LRSAM1: variants seen among roughly 807,000 people sequenced by gnomAD.
The protein encoded by LRSAM1 is E3 ubiquitin-protein ligase LRSAM1.
LRSAM1 carries 96 observed loss-of-function variants against 118.1 expected under a neutral mutation model. The observed-to-expected ratio is 0.81, with a 90% confidence interval of 0.69 to 0.96. The LOEUF is 0.96. LRSAM1 is among the 40% of genes least tolerant of loss of function. LRSAM1 has a pLI of 0.00. For missense variants in LRSAM1, 804 were observed against 915.5 expected (o/e 0.88, Z 1.57); for synonymous variants, 322 against 364.2 (o/e 0.88, Z 1.32).
chr9:127,453,057 C>A (rs1197443872), intron 2 of LRSAM1, among the ~76,000 whole-genome samples: 2 of 152,118 alleles, frequency 1.3e-5, no homozygotes, highest in African/African-American at 4.8e-5. Flanking sequence ...ACTTAATAAG[C>A]ATCTACTTCT....
chr9:127,472,640 CA>C (rs1207156736), intron 10 of LRSAM1, among the ~76,000 whole-genome samples: 5 of 151,584 alleles, frequency 3.3e-5, no homozygotes, highest in Non-Finnish European at 7.4e-5. Context: ...GACTCCATCT[CA>C]AAAAATAAAT....
intron 16 of LRSAM1, among the ~76,000 whole-genome samples, chr9:127,483,915 A>G (rs1269599247): frequency 6.8e-6 from 1 of 146,062 alleles, no homozygotes; most frequent in Admixed American, 6.6e-5. Context: ...GCCTGCCTCA[A>G]CCTCCTGAAG....
chr9:127,500,494 G>A lies in LRSAM1; in HGVS notation c.1913-516G>A, dbSNP rs376439307. Among the ~76,000 whole-genome samples, 9 of 152,246 alleles carry A rather than the reference G, an allele frequency of 5.9e-5. No individual in the cohort carries two copies. The East Asian group carries it at 1.2e-3, about 20-fold the overall frequency. ...GCTGGGGGCAGGGGAACAGCCTTGC[G>A]GGGGGCCTCTCATTCTGCTCCCCTG... On this transcript the variant is annotated intron_variant, in intron 24 of 25. Coordinates refer to ENST00000300417, the MANE Select transcript of LRSAM1 (RefSeq NM_001005373.4).
intron 2 of LRSAM1, among the ~76,000 whole-genome samples, chr9:127,452,589 T>A (rs139043079): frequency 6.6e-5 from 10 of 152,274 alleles, no homozygotes; most frequent in African/African-American, 2.2e-4. Flanking sequence ...TGGCTAACAT[T>A]TATTGAGCGC....
At position 127,475,319 on chromosome 9, in the gene LRSAM1, T is replaced by G. The variant is rs118173574; in HGVS notation, c.750+1388T>G. 3.6e-3 allele frequency among the ~76,000 whole-genome samples: 553 copies of G among 152,192 alleles called. 13 individuals carry two copies. The East Asian group carries it at 0.046, about 13-fold the overall frequency. ...CAGCTTGGCCAACGTAGTAAAACCC[T>G]GTCTCTACTGAAAATGCAAAACTTA... On this transcript the variant is annotated intron_variant, in intron 11 of 25. Transcript: ENST00000300417.
At chr9:127,467,024 C>T (rs1834976833) in intron 9 of LRSAM1, among the ~76,000 whole-genome samples, 1 of 152,044 alleles carries the variant, frequency 6.6e-6, no homozygotes, top group Admixed American at 6.6e-5. Flanking sequence ...GTGCTTGCTG[C>T]TGTTGTAACC....
Position 127,473,902 on chromosome 9 carries a change from A to G in LRSAM1, c.721A>G (p.Arg241Gly). 6.2e-7 allele frequency: 1 copy of G among 1,614,254 alleles called. No homozygotes were observed. The change falls in exon 11 of 26, where the codon AGA (arginine) becomes GGA (glycine). Residue 241 changes from arginine (R) to glycine (G), a missense_variant. Arg to Gly is a moderately radical substitution (Grantham distance 125). Transcript: ENST00000300417. ...GGACAGCCCTGATGGGCCCACGGAC[A>G]GATTCTCAAGGGAGGAGTTAGAGTG... Reference protein sequence around the residue: ...SRDSPDGPTDRFSREELEWQN... With the variant: ...SRDSPDGPTDGFSREELEWQN...
rs939906256 is a variant in LRSAM1, at chr9:127,503,339, G to A, written c.*440G>A. 8 of 271,142 alleles carry A rather than the reference G, an allele frequency of 3.0e-5. No individual in the cohort carries two copies. Among genetic ancestry groups the A allele is most frequent in the South Asian group, 1.2e-4 (3 of 25,896 alleles). 16.8% of individuals were successfully genotyped at this position (271,142 alleles called of 1,614,324 possible). ...TGAGGGGAGGCCTTCCTGGGAAGGCGTGTGGTGCAGGCCTGTGCTCACAGT... is the reference window on the plus strand; with the variant it reads ...TGAGGGGAGGCCTTCCTGGGAAGGCATGTGGTGCAGGCCTGTGCTCACAGT... On this transcript the variant is annotated 3_prime_UTR_variant, in exon 26 of 26. Transcript: ENST00000300417.
intron 23 of LRSAM1, among the ~76,000 whole-genome samples, chr9:127,496,420 TCGTGG>T (rs1349762527): frequency 6.6e-6 from 1 of 152,178 alleles, no homozygotes; most frequent in Non-Finnish European, 1.5e-5. Context: ...TCACAAACTG[TCGTGG>T]CCACAGCACT....
chr9:127,453,616 C>T (rs1225615997), intron 2 of LRSAM1: 1 of 152,234 alleles, frequency 6.6e-6, no homozygotes, highest in Non-Finnish European at 1.5e-5. Context: ...CCTCAAAGAA[C>T]AGCCTTGGAA....
chr9:127,480,033 G>C, intron 14 of LRSAM1, 55 bp downstream of exon 14: 1 of 1,611,604 alleles, frequency 6.2e-7, no homozygotes, highest in Non-Finnish European at 8.5e-7. Context: ...GCAGTCCCCT[G>C]AGGAGCCGGG....
rs536337780 is a variant in LRSAM1 at position 127,495,808 on chromosome 9, T to TATC, written c.1699-155_1699-153dup. Among the ~76,000 whole-genome samples, 33 of 152,340 alleles carry TATC rather than the reference T, an allele frequency of 2.2e-4. 3 individuals carry two copies. The South Asian group carries it at 6.0e-3, about 28-fold the overall frequency. Reference sequence around the variant, plus strand: ...CAGTGAACCCCTGGGCCTATCTATCTATCTATCTCTGTGTGCCTACCTATG... The same window carrying TATC: ...CAGTGAACCCCTGGGCCTATCTATCTATCATCTATCTCTGTGTGCCTACCTATG... On this transcript the variant is annotated intron_variant, in intron 22 of 25. Coordinates refer to ENST00000300417, the MANE Select transcript of LRSAM1 (RefSeq NM_001005373.4).
intron 11 of LRSAM1, 63 bp downstream of exon 11, chr9:127,473,994 T>G (rs1187853035): frequency 1.2e-6 from 2 of 1,609,650 alleles, no homozygotes; most frequent in African/African-American, 2.7e-5. Flanking sequence ...GTATGTGTGT[T>G]GAGGGAGCTG....
In LRSAM1 at chr9:127,469,326, T is replaced by C. The variant is rs144398861; in HGVS notation, c.619+1496T>C. On this transcript the variant is annotated intron_variant, in intron 10 of 25. Transcript: ENST00000300417. ...CTCTACTAAAAATACAAAAACTAAC[T>C]GGGCATGGTGGCAGGCACCTGTAAT... Among the ~76,000 whole-genome samples the C allele has an allele frequency of 8.9e-4, 136 of 151,976 alleles. 2 individuals carry two copies. In the East Asian group the frequency reaches 0.025, roughly 28 times the overall value.
chr9:127,456,949 C>T (rs1273896036), intron 5 of LRSAM1, among the ~76,000 whole-genome samples: 10 of 151,952 alleles, frequency 6.6e-5, no homozygotes, highest in Non-Finnish European at 1.5e-4. Flanking sequence ...GGAAGTTTTG[C>T]GCATGAGCTT....
chr9:127,455,643 G>C, intron 5 of LRSAM1, 23 bp downstream of exon 5: 1 of 1,612,898 alleles, frequency 6.2e-7, no homozygotes, highest in African/African-American at 1.3e-5. Context: ...TTCATCTTCA[G>C]AGACTTTCTT....
At chr9:127,485,465 A>G (rs1835694994) in intron 16 of LRSAM1, among the ~76,000 whole-genome samples, 1 of 152,128 alleles carries the variant, frequency 6.6e-6, no homozygotes, top group South Asian at 2.1e-4. Context: ...GCTGAGGAGG[A>G]GAATGGCGGG....
At chr9:127,456,623 G>T (rs1362172369) in intron 5 of LRSAM1, among the ~76,000 whole-genome samples, 1 of 152,092 alleles carries the variant, frequency 6.6e-6, no homozygotes, top group Non-Finnish European at 1.5e-5. Context: ...CCAGCACTTC[G>T]GGAGGCCGAG....
intron 2 of LRSAM1, 119 bp from the exon 3 acceptor site, chr9:127,454,377 C>T (rs1422336816): frequency 6.3e-6 from 5 of 788,202 alleles, no homozygotes; most frequent in Non-Finnish European, 1.1e-5. Context: ...CAGCCCCTGC[C>T]TCCATGGAAC....
Sources: gnomAD v4.1 joint callset for allele counts (sites outside exome capture counted in the v4.1 genomes callset) on GRCh38, gnomAD v4.1.1 for gene constraint, MANE v1.5 for transcripts, NCBI Gene and HGNC (gene_info 2026-07-23, HGNC 2026-07-21) for gene names.